SEC31B: variants seen among roughly 807,000 people sequenced by gnomAD.
SEC31B encodes protein transport protein Sec31B.
In SEC31B, 113 loss-of-function variants were observed where a neutral mutation model predicts 135.0. That is an observed-to-expected ratio of 0.84 (90% CI 0.72 to 0.98). The LOEUF is 0.98. Ranked by LOEUF, SEC31B falls within the 50% of genes least tolerant of loss-of-function variation. The pLI is 0.00. For synonymous variants in SEC31B, 508 were observed against 549.4 expected (o/e 0.92, Z 1.05); for missense variants, 1,296 against 1,421.1 (o/e 0.91, Z 1.42).
At chr10:100,497,028 T>TTC in intron 17 of SEC31B, 107 bp downstream of exon 17, 1 of 1,388,370 alleles carries the variant, frequency 7.2e-7, no homozygotes. Context: ...AACACCGTGG[T>TTC]TCCAGCCTGT....
rs928290564 is a variant in SEC31B, at chr10:100,497,054, T to C, written c.2136+81A>G. 40 of 1,533,866 alleles carry C rather than the reference T, an allele frequency of 2.6e-5. No homozygotes were observed. The East Asian group carries it at 9.1e-4, about 35-fold the overall frequency. ...TCCAGCCTGTCCCAGAAGATTCGCCTCTGCTAGCTCTGCACATCTCCACCA... is the reference window on the plus strand; with the variant it reads ...TCCAGCCTGTCCCAGAAGATTCGCCCCTGCTAGCTCTGCACATCTCCACCA... On this transcript the variant is annotated intron_variant, in intron 17 of 25. Coordinates refer to ENST00000370345, the MANE Select transcript of SEC31B (RefSeq NM_015490.4).
At chr10:100,488,438 G>A (rs1240993206) in intron 24 of SEC31B, among the ~76,000 whole-genome samples, 6 of 131,798 alleles carry the variant, frequency 4.6e-5, no homozygotes, top group African/African-American at 1.2e-4. Context: ...CAGCCTGGGC[G>A]ACAAAGCGAG....
chr10:100,500,993 G>A (rs1851510600), intron 11 of SEC31B, among the ~76,000 whole-genome samples: 1 of 150,922 alleles, frequency 6.6e-6, no homozygotes. Context: ...GATCACCTGA[G>A]TTCAGGAGTT....
rs148257651 is a variant in SEC31B, at chr10:100,508,014, C to T, written c.533G>A (p.Arg178Gln). The T allele has an allele frequency of 2.7e-5, 43 of 1,614,062 alleles. No individual in the cohort carries two copies. The highest frequency in any genetic ancestry group is 9.3e-5 in the African/African-American group (7 of 74,924). Residue 178 changes from arginine to glutamine, a missense_variant, in exon 6 of 26, where the codon CGG (arginine) becomes CAG (glutamine). By Grantham distance (43) the Arg-to-Gln change is conservative. Coordinates refer to ENST00000370345, the MANE Select transcript of SEC31B (RefSeq NM_015490.4). ...AGAAGACAGAATGTGTTGGGCTTGC[C>T]GGTTCCAAGACAGTGCCTTGATGTC... is the stretch of plus-strand genomic sequence containing the variant. ...PEDIKALSWN[R>Q]QAQHILSSAH... is the part of the protein sequence containing the mutation.
chr10:100,496,154 C>A, intron 18 of SEC31B, 104 bp downstream of exon 18: 2 of 1,245,530 alleles, frequency 1.6e-6, no homozygotes, highest in Non-Finnish European at 2.3e-6. Flanking sequence ...TCTTATCTAT[C>A]CTAGGAGCTT....
chr10:100,514,305 C>A, intron 3 of SEC31B, among the ~76,000 whole-genome samples: 1 of 152,178 alleles, frequency 6.6e-6, no homozygotes, highest in East Asian at 1.9e-4. Context: ...GCCACTACTA[C>A]GCTGAAGCTG....
intron 2 of SEC31B, among the ~76,000 whole-genome samples, chr10:100,516,571 C>G (rs1324746615): frequency 6.7e-6 from 1 of 148,694 alleles, no homozygotes; most frequent in Non-Finnish European, 1.5e-5. Flanking sequence ...ATGGCATGAA[C>G]CCAGGAGGCG....
chr10:100,490,862 G>C lies in SEC31B; in HGVS notation c.2494C>G (p.Pro832Ala). 1 of 1,536,326 alleles carries C rather than the reference G, an allele frequency of 6.5e-7. No homozygotes were observed. The highest frequency in any genetic ancestry group is 8.8e-7 in the Non-Finnish European group (1 of 1,131,226). ...SHQVPTPSPR[P>A]RVFTPQSSPA... is the part of the protein sequence containing the mutation. ...GATGACTGAGGGGTGAAAACCCTTG[G>C]CCTTGGAGATGGAGTTGGGACCTAT... The change falls in exon 20 of 26, where the codon CCA (proline) becomes GCA (alanine). Residue 832 changes from proline to alanine, a missense_variant. By Grantham distance (27) the Pro-to-Ala change is conservative. Coordinates refer to ENST00000370345, the MANE Select transcript of SEC31B (RefSeq NM_015490.4).
chr10:100,508,614 C>T (rs190290125), intron 5 of SEC31B: 6 of 424,860 alleles, frequency 1.4e-5, no homozygotes, highest in Non-Finnish European at 2.3e-5. Flanking sequence ...CTGACCCCCC[C>T]CTCCATAAAA....
intron 1 of SEC31B, 49 bp from the exon 2 acceptor site, chr10:100,517,046 G>T: frequency 1.1e-6 from 1 of 883,280 alleles, no homozygotes. Flanking sequence ...GGGAGCATCT[G>T]CGGACAAGAG....
At position 100,486,729 on chromosome 10, in the gene SEC31B, G is replaced by A. The variant is rs1851191349; in HGVS notation, c.*887C>T. 6.6e-6 allele frequency: 1 copy of A among 152,304 alleles called. No individual in the cohort carries two copies. Among genetic ancestry groups the A allele is most frequent in the South Asian group, 2.1e-4 (1 of 4,834 alleles). 9.4% of individuals were successfully genotyped at this position (152,304 alleles called of 1,614,324 possible). ...CACAAATGCAAATCCAATCGGAGAA[G>A]GTAGCCCTGAGACATGTGGTGGCTG... On this transcript the variant is annotated 3_prime_UTR_variant, in exon 26 of 26. Transcript: ENST00000370345.
intron 13 of SEC31B, 93 bp from the exon 14 acceptor site, chr10:100,498,897 C>G: frequency 1.0e-6 from 1 of 989,130 alleles, no homozygotes; most frequent in Non-Finnish European, 1.5e-6. Flanking sequence ...ACTATTTGGC[C>G]GTTAATGGGT....
chr10:100,514,766 A>G (rs964242748), intron 3 of SEC31B, among the ~76,000 whole-genome samples: 2 of 152,106 alleles, frequency 1.3e-5, no homozygotes, highest in Non-Finnish European at 2.9e-5. Context: ...TGCCTTCTAG[A>G]CCAGTAACCT....
At chr10:100,502,557 A>C (rs935818400) in intron 10 of SEC31B, 73 bp from the exon 11 acceptor site, 16 of 980,696 alleles carry the variant, frequency 1.6e-5, no homozygotes, top group Non-Finnish European at 2.3e-5. Context: ...AGATTCACAG[A>C]GAAGGCTATC....
At chr10:100,519,265 C>T (rs2133703412) in intron 1 of SEC31B, among the ~76,000 whole-genome samples, 1 of 152,340 alleles carries the variant, frequency 6.6e-6, no homozygotes, top group South Asian at 2.1e-4. Flanking sequence ...AAAAAAAGGG[C>T]CCCCGCTGGG....
At chr10:100,519,732 C>G (rs1851918876) in intron 1 of SEC31B, 50 bp downstream of exon 1, 2 of 152,252 alleles carry the variant, frequency 1.3e-5, no homozygotes, top group Non-Finnish European at 2.9e-5. Flanking sequence ...CTCCGGGTCC[C>G]CAGCGCAATC....
chr10:100,488,145 C>T (rs761292248), intron 24 of SEC31B, 47 bp from the exon 25 acceptor site: 2 of 1,496,676 alleles, frequency 1.3e-6, no homozygotes, highest in Non-Finnish European at 1.9e-6. Context: ...AAGTCTAACA[C>T]CACACAGGGC....
chr10:100,488,152 G>C (rs1851219269), intron 24 of SEC31B, 54 bp from the exon 25 acceptor site: 13 of 1,492,064 alleles, frequency 8.7e-6, no homozygotes, highest in Non-Finnish European at 1.2e-5. Flanking sequence ...ACACCACACA[G>C]GGCCATAAAG....
intron 19 of SEC31B, among the ~76,000 whole-genome samples, chr10:100,494,364 C>T (rs1429535679): frequency 6.6e-6 from 1 of 152,186 alleles, no homozygotes; most frequent in Non-Finnish European, 1.5e-5. Context: ...TAGCCTAACT[C>T]CCTCCAGCCT....
Sources: allele counts gnomAD v4.1 joint callset (sites outside exome capture counted in the v4.1 genomes callset), GRCh38; gene constraint gnomAD v4.1.1; transcripts MANE v1.5; gene names NCBI Gene and HGNC (gene_info 2026-07-23, HGNC 2026-07-21).